The following GRM4 variants were observed in gnomAD, a reference collection of about 807,000 sequenced individuals.
GRM4 encodes metabotropic glutamate receptor 4.
GRM4 carries 28 observed loss-of-function variants against 81.7 expected under a neutral mutation model. The ratio of observed to expected loss-of-function variants is 0.34; its 90% CI spans 0.25 to 0.47. The LOEUF (loss-of-function observed/expected upper bound fraction) is 0.47. GRM4 is among the 20% of genes least tolerant of loss of function. The pLI is 1.00. For missense variants in GRM4, 948 were observed against 1,290.0 expected (o/e 0.73, Z 4.06); for synonymous variants, 488 against 528.8 (o/e 0.92, Z 1.06).
At chr6:34,147,044 C>T (rs533424125), upstream of GRM4, among the ~76,000 whole-genome samples, 62 of 152,320 alleles carry the variant, frequency 4.1e-4, no homozygotes, top group African/African-American at 1.2e-3. Context: ...CATGCCTGAA[C>T]GGTAGCGTAA....
intron 1 of GRM4, among the ~76,000 whole-genome samples, chr6:34,154,413 C>CCA (rs1039879178): frequency 3.3e-5 from 5 of 152,170 alleles, no homozygotes; most frequent in African/African-American, 1.2e-4. Context: ...CACCCCTAGT[C>CCA]CAGAATTCCG....
At chr6:34,091,344 C>T (rs977163432) in intron 3 of GRM4, among the ~76,000 whole-genome samples, 2 of 152,156 alleles carry the variant, frequency 1.3e-5, no homozygotes, top group African/African-American at 4.8e-5. Context: ...AGGGGGAGAC[C>T]TCGAGGAGAA....
intron 3 of GRM4, among the ~76,000 whole-genome samples, chr6:34,072,428 GCA>G (rs1343999838): frequency 4.6e-5 from 5 of 108,970 alleles, no homozygotes; most frequent in Non-Finnish European, 9.2e-5. Flanking sequence ...CAGATACACA[GCA>G]CACACACACT....
At chr6:34,155,003 T>G in intron 1 of GRM4, 1 of 1,232,480 alleles carries the variant, frequency 8.1e-7, no homozygotes, top group Non-Finnish European at 1.1e-6. Context: ...AGGCCCAGTC[T>G]ACGCCTCCCA....
chr6:34,134,836 T>A (rs899003412), intron 1 of GRM4, among the ~76,000 whole-genome samples: 1 of 152,234 alleles, frequency 6.6e-6, no homozygotes, highest in East Asian at 1.9e-4. Context: ...AATATTTATC[T>A]GCAAGAGTAG....
chr6:34,096,937 T>C (rs1024076821), intron 2 of GRM4, among the ~76,000 whole-genome samples: 4 of 152,070 alleles, frequency 2.6e-5, no homozygotes, highest in African/African-American at 9.7e-5. Context: ...TGTGTGTCTG[T>C]GTGAGTGTGT....
chr6:34,106,966 G>A (rs1013466481), intron 2 of GRM4, among the ~76,000 whole-genome samples: 6 of 152,238 alleles, frequency 3.9e-5, no homozygotes, highest in African/African-American at 1.4e-4. Flanking sequence ...GGCCTGGTGT[G>A]GATGAGGCAG....
At chr6:34,028,634 A>C (rs1393661950) in intron 9 of GRM4, among the ~76,000 whole-genome samples, 2 of 152,162 alleles carry the variant, frequency 1.3e-5, no homozygotes, top group Non-Finnish European at 2.9e-5. Context: ...CTTACCTCCT[A>C]GGGCTGTTGT....
rs113012339 is a variant in GRM4, at chr6:34,124,842, C to T, written c.519+8136G>A. Among the ~76,000 whole-genome samples, 423 of 152,196 alleles carry T rather than the reference C, an allele frequency of 2.8e-3. 2 individuals are homozygous for T. The highest frequency in any genetic ancestry group is 4.5e-3 in the African/African-American group (188 of 41,534). ...GCCAGCACTCATGAACTTGAGGACC[C>T]CCCCCTAGACTCAGCCTTCACCTCA... is the stretch of plus-strand genomic sequence containing the variant. On this transcript the variant is annotated intron_variant, in intron 2 of 10. Coordinates refer to ENST00000538487, the MANE Select transcript of GRM4 (RefSeq NM_000841.4).
At chr6:34,145,168 G>A (rs150383498) in intron 1 of GRM4, among the ~76,000 whole-genome samples, 9,034 of 151,950 alleles carry the variant, frequency 0.059, 710 homozygotes, top group African/African-American at 0.19. Context: ...GTCGACGGCC[G>A]GAGGCACGGT....
rs1766608594 is a variant in GRM4, at chr6:34,068,566, G to A, written c.737-6538C>T. ...TCTCAAAAAGTCCCCCCTCCATCCT[G>A]CAAGGCCAGCCCTCCAGCAGCCTCC... On this transcript the variant is annotated intron_variant, in intron 3 of 10. Coordinates refer to ENST00000538487, the MANE Select transcript of GRM4 (RefSeq NM_000841.4). This position sits in a 1 kb window ranked among gnomAD's most constrained non-coding sequence, Gnocchi z 4.2. Among the ~76,000 whole-genome samples, 2 of 151,768 alleles carry A rather than the reference G, an allele frequency of 1.3e-5. No homozygotes were observed. The highest frequency in any genetic ancestry group is 4.2e-4 in the South Asian group (2 of 4,788).
rs372047870 is a variant in GRM4 at position 34,064,765 on chromosome 6, C to T, written c.737-2737G>A. On this transcript the variant is annotated intron_variant, in intron 3 of 10. Coordinates refer to ENST00000538487, the MANE Select transcript of GRM4 (RefSeq NM_000841.4). This position sits in a 1 kb window ranked among gnomAD's most constrained non-coding sequence, Gnocchi z 4.4. ...CTGCTGCAGCCAGAGAAGACCAGAGCGGCCCGAGAGGCCACTGAGCACCCC... is the reference window on the plus strand; with the variant it reads ...CTGCTGCAGCCAGAGAAGACCAGAGTGGCCCGAGAGGCCACTGAGCACCCC... Among the ~76,000 whole-genome samples the T allele has an allele frequency of 1.3e-5, 2 of 152,156 alleles. No homozygotes were observed. Among genetic ancestry groups the T allele is most frequent in the African/African-American group, 2.4e-5 (1 of 41,424 alleles).
chr6:34,092,185 T>G lies in GRM4; in HGVS notation c.520-86A>C. On this transcript the variant is annotated intron_variant, in intron 2 of 10. Coordinates refer to ENST00000538487, the MANE Select transcript of GRM4 (RefSeq NM_000841.4). This position sits in a 1 kb window ranked among gnomAD's most constrained non-coding sequence, Gnocchi z 6.8. ...CCATTCCCCTACACACCAACCTCCC[T>G]TTGGTCCCCACAGCCTTGGGACCAC... The G allele has an allele frequency of 1.2e-6, 1 of 861,346 alleles. No homozygotes were observed. The highest frequency in any genetic ancestry group is 1.6e-5 in the South Asian group (1 of 63,156). The allele number at this position is 861,346 out of a possible 1,614,324, so 53.4% of individuals were successfully genotyped here. A position where few individuals can be genotyped will look rare whatever the true frequency, so the allele number is the denominator to read the frequency against.
At chr6:34,050,509 G>A (rs993921115) in intron 6 of GRM4, among the ~76,000 whole-genome samples, 11 of 152,136 alleles carry the variant, frequency 7.2e-5, no homozygotes, top group Non-Finnish European at 1.0e-4. Context: ...CCACCATGAC[G>A]GGAAGCCTCC....
At position 34,048,382 on chromosome 6, in the gene GRM4, C is replaced by T. The variant is rs1441071181; in HGVS notation, c.1169-7634G>A. Among the ~76,000 whole-genome samples, 2 of 152,092 alleles carry T rather than the reference C, an allele frequency of 1.3e-5. No homozygotes were observed. Among genetic ancestry groups the T allele is most frequent in the African/African-American group, 2.4e-5 (1 of 41,414 alleles). On this transcript the variant is annotated intron_variant, in intron 6 of 10. Coordinates refer to ENST00000538487, the MANE Select transcript of GRM4 (RefSeq NM_000841.4). This position sits in a 1 kb window ranked among gnomAD's most constrained non-coding sequence, Gnocchi z 4.0. ...GTGCCCAAGAAGGATCAGCTCTCGA[C>T]TCCTGCCTGGTTCTGAGGCCAACAC...
chr6:34,044,459 C>G (rs1765211783), intron 6 of GRM4, among the ~76,000 whole-genome samples: 1 of 139,550 alleles, frequency 7.2e-6, no homozygotes, highest in Admixed American at 7.0e-5. Context: ...TATATAGACA[C>G]ACACACAGAC....
At chr6:34,131,881 G>A (rs1770249351) in intron 2 of GRM4, among the ~76,000 whole-genome samples, 2 of 152,022 alleles carry the variant, frequency 1.3e-5, no homozygotes, top group African/African-American at 2.4e-5. Flanking sequence ...GTGAGGGAGG[G>A]ACCAAGCAGC....
At chr6:34,063,881 G>A (rs1766306119) in intron 3 of GRM4, among the ~76,000 whole-genome samples, 1 of 152,208 alleles carries the variant, frequency 6.6e-6, no homozygotes, top group Non-Finnish European at 1.5e-5. Context: ...ACTGGGAGGA[G>A]AGGGAAGGGA....
intron 2 of GRM4, among the ~76,000 whole-genome samples, chr6:34,112,026 AG>A (rs891117251): frequency 3.3e-5 from 5 of 152,080 alleles, no homozygotes; most frequent in African/African-American, 1.2e-4. Context: ...ACGTAGTGGA[AG>A]GGGGGGACAT....
Sources: gnomAD v4.1 joint callset for allele counts (sites outside exome capture counted in the v4.1 genomes callset) on GRCh38, gnomAD v4.1.1 for gene constraint, Gnocchi (gnomAD v3.1) non-coding constraint, MANE v1.5 for transcripts, NCBI Gene and HGNC (gene_info 2026-07-23, HGNC 2026-07-21) for gene names.